The following NAA11 variants were observed in gnomAD, a reference collection of about 807,000 sequenced individuals.
The protein encoded by NAA11 is N-alpha-acetyltransferase 11, NatA catalytic subunit.
A neutral mutation model predicts 16.1 loss-of-function variants in NAA11; 15 were observed. The ratio of observed to expected loss-of-function variants is 0.93; its 90% CI spans 0.62 to 1.44. The LOEUF is 1.44. Among genes scored for constraint, NAA11 ranks in the 40% most tolerant of loss-of-function variants. The pLI is 0.00. For synonymous variants in NAA11, 122 were observed against 112.4 expected (o/e 1.09, Z -0.54); for missense variants, 298 against 291.3 (o/e 1.02, Z -0.17).
At chr4:79,241,221 A>G (rs1721687736) in intron 2 of NAA11, among the ~76,000 whole-genome samples, 1 of 152,136 alleles carries the variant, frequency 6.6e-6, no homozygotes, top group Non-Finnish European at 1.5e-5. Flanking sequence ...CTTTCGCTTA[A>G]ATATATTTTC....
chr4:79,210,861 G>A, the NAA11 span, among the ~76,000 whole-genome samples: 1 of 152,154 alleles, frequency 6.6e-6, no homozygotes, highest in African/African-American at 2.4e-5. Context: ...TCTAAACCCC[G>A]CTTTCTTTAT....
In NAA11 at chr4:79,316,647, T is replaced by G. The variant is rs1175795423; in HGVS notation, c.*1157A>C. 1 of 152,218 alleles carries G rather than the reference T, an allele frequency of 6.6e-6. No homozygotes were observed. Among genetic ancestry groups the G allele is most frequent in the African/African-American group, 2.4e-5 (1 of 41,464 alleles). 9.4% of individuals were successfully genotyped at this position (152,218 alleles called of 1,614,324 possible). On this transcript the variant is annotated 3_prime_UTR_variant, in exon 2 of 2. Coordinates refer to ENST00000286794, the MANE Select transcript of NAA11 (RefSeq NM_032693.3). ...AAAAACAACATTAAGTAATGATAAC[T>G]CTGGATTTATCTGGTAACTTTTACT... is the stretch of plus-strand genomic sequence containing the variant.
chr4:79,252,720 G>C (rs1217084120), intron 2 of NAA11, among the ~76,000 whole-genome samples: 1 of 152,112 alleles, frequency 6.6e-6, no homozygotes, highest in Non-Finnish European at 1.5e-5. Context: ...AAAAATTTCA[G>C]GATTAGCAAG....
chr4:79,176,022 T>C, the NAA11 span, among the ~76,000 whole-genome samples: 3 of 152,184 alleles, frequency 2.0e-5, no homozygotes, highest in South Asian at 4.1e-4. Context: ...TATTTCATTG[T>C]CTTTCCTTAC....
rs556463466 is a variant in NAA11 at position 79,240,076 on chromosome 4, C to G, written c.*123-13806G>C. On this transcript the variant is annotated intron_variant and NMD_transcript_variant, in intron 2 of 2. Transcript: ENST00000511542. ...CATCATAAAGGGGGAAGGTATTTGT[C>G]TCTTGGAATAGACATATTTTTGATA... Among the ~76,000 whole-genome samples the G allele has an allele frequency of 6.4e-4, 98 of 152,260 alleles. 1 individual carries two copies. Among genetic ancestry groups the G allele is most frequent in the Admixed American group, 1.8e-3 (27 of 15,298 alleles).
At chr4:79,249,197 A>G (rs934699175) in intron 2 of NAA11, among the ~76,000 whole-genome samples, 5 of 152,218 alleles carry the variant, frequency 3.3e-5, no homozygotes, top group African/African-American at 9.6e-5. Context: ...TGGCCACTCA[A>G]AAAGCCAGAG....
chr4:79,217,436 C>T, the NAA11 span, among the ~76,000 whole-genome samples: 22 of 152,118 alleles, frequency 1.4e-4, no homozygotes, highest in Non-Finnish European at 3.2e-4. Context: ...GTTAAAACTT[C>T]CTTCTACTAC....
intron 2 of NAA11, among the ~76,000 whole-genome samples, chr4:79,257,343 G>A (rs1560428022): frequency 6.6e-6 from 1 of 151,702 alleles, no homozygotes; most frequent in Non-Finnish European, 1.5e-5. Flanking sequence ...CTTGGTGTAG[G>A]TCATTTTGTT....
At chr4:79,259,754 T>G (rs897735886) in intron 2 of NAA11, among the ~76,000 whole-genome samples, 1 of 152,238 alleles carries the variant, frequency 6.6e-6, no homozygotes, top group African/African-American at 2.4e-5. Flanking sequence ...TACTTTCCCC[T>G]TTCTCATAGT....
chr4:79,194,700 C>T, the NAA11 span, among the ~76,000 whole-genome samples: 3 of 152,122 alleles, frequency 2.0e-5, no homozygotes, highest in African/African-American at 7.2e-5. Context: ...GTTTGTCTTT[C>T]TCACATACCT....
chr4:79,196,390 G>C, the NAA11 span, among the ~76,000 whole-genome samples: 14 of 151,960 alleles, frequency 9.2e-5, no homozygotes, highest in Admixed American at 9.2e-4. Flanking sequence ...TAATGAATTA[G>C]GCTTTAATCT....
rs374160910 is a variant in NAA11, at chr4:79,290,386, G to A, written c.*122+3619C>T. 5.9e-5 allele frequency among the ~76,000 whole-genome samples: 9 copies of A among 152,258 alleles called. No individual in the cohort carries two copies. The East Asian group carries it at 9.7e-4, about 16-fold the overall frequency. On this transcript the variant is annotated intron_variant and NMD_transcript_variant, in intron 2 of 2. Coordinates refer to the NAA11 transcript ENST00000511542. ...CATCATTAGGGCCAGAAATTGTCCTGTTGTGGCATTCCAAAAGCATATGAG... is the reference window on the plus strand; with the variant it reads ...CATCATTAGGGCCAGAAATTGTCCTATTGTGGCATTCCAAAAGCATATGAG...
chr4:79,238,763 T>C (rs1721622887), intron 2 of NAA11, among the ~76,000 whole-genome samples: 1 of 152,178 alleles, frequency 6.6e-6, no homozygotes, highest in African/African-American at 2.4e-5. Flanking sequence ...TCTCCTGAGA[T>C]CATCTCTAGA....
rs1407684228 is a variant in NAA11 at position 79,317,777 on chromosome 4, T to A, written c.*27A>T. 6.6e-6 allele frequency: 1 copy of A among 152,258 alleles called. No individual in the cohort carries two copies. The highest frequency in any genetic ancestry group is 1.5e-5 in the Non-Finnish European group (1 of 68,104). 9.4% of individuals were successfully genotyped at this position (152,258 alleles called of 1,614,324 possible). ...TCACAGAGTAGATGTGGTTGAGACA[T>A]GAGGACCTGAAATGCTGTTGAAAAA... On this transcript the variant is annotated 3_prime_UTR_variant, in exon 2 of 2. Coordinates refer to ENST00000286794, the MANE Select transcript of NAA11 (RefSeq NM_032693.3).
intron 1 of NAA11, among the ~76,000 whole-genome samples, chr4:79,298,565 C>G (rs575041070): frequency 1.4e-3 from 217 of 152,340 alleles, no homozygotes; most frequent in African/African-American, 5.0e-3. Context: ...GAGAGCCAGC[C>G]CCAGTGCCAG....
chr4:79,251,887 C>G (rs1722005615), intron 2 of NAA11, among the ~76,000 whole-genome samples: 1 of 152,148 alleles, frequency 6.6e-6, no homozygotes, highest in South Asian at 2.1e-4. Context: ...AAAAAAACAT[C>G]TGCACTCGTA....
chr4:79,307,521 C>T (rs1463350080), intron 1 of NAA11, among the ~76,000 whole-genome samples: 1 of 152,076 alleles, frequency 6.6e-6, no homozygotes, highest in East Asian at 1.9e-4. Flanking sequence ...CAAAAAGCTA[C>T]ATATGATTTC....
chr4:79,277,236 A>T (rs1458319328), intron 2 of NAA11, among the ~76,000 whole-genome samples: 1 of 152,032 alleles, frequency 6.6e-6, no homozygotes, highest in Non-Finnish European at 1.5e-5. Context: ...AATGGAAAGG[A>T]ATAATAGCCT....
At chr4:79,255,276 A>C (rs1285614304) in intron 2 of NAA11, among the ~76,000 whole-genome samples, 1 of 152,144 alleles carries the variant, frequency 6.6e-6, no homozygotes, top group Non-Finnish European at 1.5e-5. Context: ...GAATTGCTCT[A>C]AATATTTTTG....
Sources: gnomAD v4.1 joint callset for allele counts (sites outside exome capture counted in the v4.1 genomes callset) on GRCh38, gnomAD v4.1.1 for gene constraint, MANE v1.5 for transcripts, NCBI Gene and HGNC (gene_info 2026-07-23, HGNC 2026-07-21) for gene names.